The following SCN8A variants were observed in gnomAD, a reference collection of about 807,000 sequenced individuals.
SCN8A encodes the protein sodium voltage-gated channel alpha subunit 8, also known as sodium channel protein type 8 subunit alpha.
Under a neutral mutation model 184.1 loss-of-function variants are expected in SCN8A, and 30 were observed. That is an observed-to-expected ratio of 0.16 (90% CI 0.12 to 0.22). The LOEUF is 0.22. SCN8A is among the 10% of genes least tolerant of loss of function. The pLI is 1.00. For synonymous variants in SCN8A, 852 were observed against 907.0 expected (o/e 0.94, Z 1.09); for missense variants, 1,057 against 2,498.9 (o/e 0.42, Z 12.30).
chr12:51,732,866 C>T (rs1180929702), intron 12 of SCN8A, among the ~76,000 whole-genome samples: 1 of 151,792 alleles, frequency 6.6e-6, no homozygotes, highest in African/African-American at 2.4e-5. Context: ...GATTGTCCAC[C>T]TTTGGCATAT....
intron 13 of SCN8A, among the ~76,000 whole-genome samples, chr12:51,747,453 A>G (rs920357323): frequency 1.3e-5 from 2 of 152,172 alleles, no homozygotes; most frequent in African/African-American, 4.8e-5. Context: ...TAATTTTATT[A>G]TTCACATAGA....
chr12:51,752,312 A>C (rs755554823), intron 14 of SCN8A, among the ~76,000 whole-genome samples: 5 of 152,122 alleles, frequency 3.3e-5, no homozygotes, highest in Non-Finnish European at 5.9e-5. Context: ...CTTAGGTGTT[A>C]ACCACAGGCA....
At chr12:51,756,000 C>A (rs1392351724) in intron 14 of SCN8A, among the ~76,000 whole-genome samples, 1 of 152,054 alleles carries the variant, frequency 6.6e-6, no homozygotes, top group Non-Finnish European at 1.5e-5. Context: ...CACCTGCTCA[C>A]ACTCCTCAGC....
chr12:51,721,081 T>C (rs1282005767), intron 11 of SCN8A, among the ~76,000 whole-genome samples: 1 of 86,818 alleles, frequency 1.2e-5, no homozygotes, highest in African/African-American at 4.7e-5. Context: ...AAAAAAAAAA[T>C]TATATATATA....
intron 2 of SCN8A, among the ~76,000 whole-genome samples, chr12:51,679,773 T>G (rs1359055205): frequency 7.0e-6 from 1 of 143,140 alleles, no homozygotes; most frequent in African/African-American, 2.6e-5. Flanking sequence ...TTGCCCAGGC[T>G]GGAGTGCAGT....
At chr12:51,685,403 A>AGGCTCTAATT (rs1941403100) in intron 3 of SCN8A, among the ~76,000 whole-genome samples, 1 of 152,188 alleles carries the variant, frequency 6.6e-6, no homozygotes. Flanking sequence ...TATGGCTCCC[A>AGGCTCTAATT]GGCTCTAATT....
At chr12:51,777,234 A>G (rs1435608119) in intron 20 of SCN8A, among the ~76,000 whole-genome samples, 1 of 152,064 alleles carries the variant, frequency 6.6e-6, no homozygotes, top group African/African-American at 2.4e-5. Context: ...GCCTGCAACC[A>G]TAGATGCCCT....
At position 51,687,676 on chromosome 12, in the gene SCN8A, CA is replaced by C. The variant is rs1941441210; in HGVS notation, c.614+461del. ...CAGACTTCAGAGCACATTTTAGAGT[CA>C]AAACATGAGCCAAGGTACCCACACT... On this transcript the variant is annotated intron_variant, in intron 5 of 26. Transcript: ENST00000627620. 3.3e-5 allele frequency among the ~76,000 whole-genome samples: 5 copies of C among 152,254 alleles called. No homozygotes were observed. The South Asian group carries it at 1.0e-3, about 32-fold the overall frequency.
rs887064460 is a variant in SCN8A at position 51,780,518 on chromosome 12, C to T, written c.3820-131C>T. On this transcript the variant is annotated intron_variant, in intron 20 of 26. Transcript: ENST00000627620. ...ACCTGGGGGGCCCAATCTGTGTCTG[C>T]AGTGCTAGGGGCTTTATTCTAACAC... is the stretch of plus-strand genomic sequence containing the variant. 2.6e-5 allele frequency: 16 copies of T among 610,968 alleles called. No homozygotes were observed. In the African/African-American group the frequency reaches 3.1e-4, roughly 12 times the overall value. 37.8% of individuals were successfully genotyped at this position (610,968 alleles called of 1,614,324 possible).
At chr12:51,766,250 C>T in intron 16 of SCN8A, 1 of 574,346 alleles carries the variant, frequency 1.7e-6, no homozygotes, top group East Asian at 2.9e-5. Flanking sequence ...CAACCCTTTT[C>T]CTAGAGTTAG....
intron 1 of SCN8A, among the ~76,000 whole-genome samples, chr12:51,634,413 A>C (rs1055324199): frequency 6.6e-6 from 1 of 152,130 alleles, no homozygotes; most frequent in African/African-American, 2.4e-5. Context: ...TTCCATTGCT[A>C]TCTGTGTTTT....
At chr12:51,708,087 A>G (rs1056282603) in intron 11 of SCN8A, among the ~76,000 whole-genome samples, 9 of 152,192 alleles carry the variant, frequency 5.9e-5, no homozygotes, top group South Asian at 2.1e-4. Flanking sequence ...CACACCAGCA[A>G]TCTTCATGTT....
At chr12:51,687,255 G>T in intron 5 of SCN8A, 36 bp downstream of exon 5, 2 of 1,610,302 alleles carry the variant, frequency 1.2e-6, no homozygotes, top group Non-Finnish European at 1.7e-6. Context: ...TGTTCTGGGT[G>T]TGATTCTGTG....
intron 1 of SCN8A, among the ~76,000 whole-genome samples, chr12:51,623,614 CT>C (rs146037237): frequency 1.3e-5 from 2 of 151,546 alleles, no homozygotes; most frequent in African/African-American, 4.8e-5. Flanking sequence ...ACACTATTTT[CT>C]TTTTTTTTAT....
intron 1 of SCN8A, among the ~76,000 whole-genome samples, chr12:51,609,872 A>G (rs1368347860): frequency 1.3e-5 from 2 of 151,910 alleles, no homozygotes; most frequent in Non-Finnish European, 2.9e-5. Context: ...ACCTAATGTT[A>G]AATGAAGAGT....
At chr12:51,690,546 G>A (rs1230387863) in intron 6 of SCN8A, among the ~76,000 whole-genome samples, 2 of 152,048 alleles carry the variant, frequency 1.3e-5, no homozygotes, top group East Asian at 1.9e-4. Flanking sequence ...TTTTTGTAGA[G>A]ACAGGGTCTC....
At chr12:51,751,652 T>C in intron 14 of SCN8A, 59 bp downstream of exon 14, 1 of 1,292,264 alleles carries the variant, frequency 7.7e-7, no homozygotes, top group South Asian at 1.3e-5. Flanking sequence ...CTGTAGGATA[T>C]CTTTTTCTGG....
chr12:51,650,018 A>G (rs1940674381), intron 1 of SCN8A, among the ~76,000 whole-genome samples: 1 of 152,204 alleles, frequency 6.6e-6, no homozygotes, highest in Admixed American at 6.5e-5. Context: ...TTCTTCTGCC[A>G]GATACCCTAA....
At chr12:51,596,838 G>A (rs1256384033) in intron 1 of SCN8A, among the ~76,000 whole-genome samples, 2 of 152,102 alleles carry the variant, frequency 1.3e-5, no homozygotes, top group African/African-American at 4.8e-5. Context: ...ACATATACTT[G>A]GCTATTCATG....
Sources: gnomAD v4.1 joint callset for allele counts (sites outside exome capture counted in the v4.1 genomes callset) on GRCh38, gnomAD v4.1.1 for gene constraint, MANE v1.5 for transcripts, NCBI Gene and HGNC (gene_info 2026-07-23, HGNC 2026-07-21) for gene names.